NDRG4: variants seen among roughly 807,000 people sequenced by gnomAD.
The protein encoded by NDRG4 is protein NDRG4.
Under a neutral mutation model 55.8 loss-of-function variants are expected in NDRG4, and 38 were observed. That is an observed-to-expected ratio of 0.68 (90% confidence interval 0.53 to 0.89). The LOEUF (loss-of-function observed/expected upper bound fraction) is 0.89. NDRG4 is among the 40% of genes least tolerant of loss of function. The pLI is 0.00. For missense variants in NDRG4, 455 were observed against 468.6 expected (o/e 0.97, Z 0.27); for synonymous variants, 190 against 182.7 (o/e 1.04, Z -0.32).
chr16:58,489,800 A>C (rs1307381869), intron 2 of NDRG4, among the ~76,000 whole-genome samples: 1 of 147,344 alleles, frequency 6.8e-6, no homozygotes, highest in African/African-American at 2.5e-5. Context: ...CCTACTCCCC[A>C]CTCCTGCCTG....
chr16:58,511,272 G>C, intron 14 of NDRG4, 150 bp from the exon 15 acceptor site: 1 of 891,826 alleles, frequency 1.1e-6, no homozygotes. Flanking sequence ...CCCCCAGCCC[G>C]ACAGCTGTCG....
Position 58,509,309 on chromosome 16 carries a change from G to T in NDRG4, c.822G>T (p.Lys274Asn). The T allele has an allele frequency of 6.2e-7, 1 of 1,614,074 alleles. No individual in the cohort carries two copies. Among genetic ancestry groups the T allele is most frequent in the Non-Finnish European group, 8.5e-7 (1 of 1,180,010 alleles). Residue 274 changes from lysine (K) to asparagine (N), a missense_variant, in exon 13 of 15, where the codon AAG becomes AAT. By Grantham distance (94) the Lys-to-Asn change is moderately conservative (BLOSUM62 0). Coordinates refer to ENST00000570248, the MANE Select transcript of NDRG4 (RefSeq NM_001242835.2). ...TGTCCTGCCCTCCGCAGCCAGGGAA[G>T]CTGACTGAAGCCTTCAAATACTTCC... ...GGLPQVTQPG[K>N]LTEAFKYFLQ...
intron 1 of NDRG4, among the ~76,000 whole-genome samples, chr16:58,476,523 T>TC (rs2033651296): frequency 6.6e-6 from 1 of 151,986 alleles, no homozygotes; most frequent in African/African-American, 2.4e-5. Context: ...AGATGCACCT[T>TC]TTTTTTCATA....
chr16:58,503,957 G>A (rs766835217), intron 2 of NDRG4, 54 bp downstream of exon 2: 42 of 1,593,020 alleles, frequency 2.6e-5, no homozygotes, highest in East Asian at 2.2e-4. Context: ...CAGCCAGAGC[G>A]GTGAGGCCCC....
At chr16:58,484,874 C>A (rs925469989) in intron 1 of NDRG4, among the ~76,000 whole-genome samples, 3 of 149,162 alleles carry the variant, frequency 2.0e-5, no homozygotes, top group African/African-American at 7.5e-5. Flanking sequence ...TAAAAAAAAT[C>A]ATAACTTACT....
At chr16:58,501,919 C>T (rs2037192245) in intron 1 of NDRG4, 1 of 449,538 alleles carries the variant, frequency 2.2e-6, no homozygotes, top group African/African-American at 2.0e-5. Flanking sequence ...CGTCTGACCC[C>T]AGGAGGATAA....
At chr16:58,486,794 C>T (rs1597159809) in intron 1 of NDRG4, among the ~76,000 whole-genome samples, 6 of 151,880 alleles carry the variant, frequency 4.0e-5, no homozygotes, top group Admixed American at 3.9e-4. Context: ...TCAGAAACCC[C>T]TGGGGTTTCC....
chr16:58,514,470 C>T (rs2039056147), downstream of NDRG4, among the ~76,000 whole-genome samples: 1 of 152,110 alleles, frequency 6.6e-6, no homozygotes, highest in African/African-American at 2.4e-5. Context: ...CGCGCGGTGG[C>T]TCACGCCTGT....
chr16:58,494,919 C>G, intron 2 of NDRG4: 4 of 1,600,594 alleles, frequency 2.5e-6, no homozygotes, highest in Non-Finnish European at 3.4e-6. Context: ...CTCCCCAGAC[C>G]AGCCAGGGCC....
At chr16:58,484,423 G>A (rs1341490817) in intron 1 of NDRG4, among the ~76,000 whole-genome samples, 1 of 152,196 alleles carries the variant, frequency 6.6e-6, no homozygotes, top group Non-Finnish European at 1.5e-5. Context: ...ACTTCTCTGA[G>A]GTGGGCAACA....
At chr16:58,498,977 A>G (rs1310321041), upstream of NDRG4, among the ~76,000 whole-genome samples, 1 of 152,096 alleles carries the variant, frequency 6.6e-6, no homozygotes, top group Admixed American at 6.5e-5. Flanking sequence ...ACGATAATAC[A>G]TATAATCTTC....
intron 1 of NDRG4, among the ~76,000 whole-genome samples, chr16:58,482,679 T>TCCTCCCTCCCTCCTTTCCTTCCTCCCTC (rs2034563080): frequency 1.6e-5 from 2 of 126,822 alleles, no homozygotes; most frequent in African/African-American, 7.5e-5. Flanking sequence ...CTCCCTTCCT[T>TCCTCCCTCCCTCCTTTCCTTCCTCCCTC]CCTCCCTCCC....
Position 58,503,826 on chromosome 16 carries a change from T to C in NDRG4, c.50T>C (p.Leu17Pro), listed in dbSNP as rs779283723. The C allele has an allele frequency of 1.2e-6, 2 of 1,613,768 alleles. No homozygotes were observed. The highest frequency in any genetic ancestry group is 2.2e-5 in the South Asian group (2 of 91,060). Residue 17 changes from leucine to proline, a missense_variant, in exon 2 of 15, where the codon CTT becomes CCT. By Grantham distance (98) the Leu-to-Pro change is moderately conservative. Coordinates refer to ENST00000570248, the MANE Select transcript of NDRG4 (RefSeq NM_001242835.2). ...GEHDIETPYG[L>P]LHVVIRGSPK... is the part of the protein sequence containing the mutation. The stretch of plus-strand genomic sequence containing the variant: ...CATGACATCGAGACACCCTACGGCC[T>C]TCTGCATGTAGTGATCCGGGGCTCC...
intron 1 of NDRG4, among the ~76,000 whole-genome samples, chr16:58,478,670 C>G (rs75348320): frequency 7.3e-6 from 1 of 136,690 alleles, no homozygotes; most frequent in African/African-American, 2.7e-5. Flanking sequence ...TGGGAAATGT[C>G]TGTGTTTCTG....
intron 1 of NDRG4, among the ~76,000 whole-genome samples, chr16:58,472,578 G>C (rs2033028039): frequency 1.3e-5 from 2 of 152,142 alleles, no homozygotes; most frequent in Admixed American, 1.3e-4. Flanking sequence ...TAACTTAGAA[G>C]TTACGTTAGG....
chr16:58,511,122 AAC>A (rs1373950462), intron 14 of NDRG4: 1 of 489,498 alleles, frequency 2.0e-6, no homozygotes, highest in East Asian at 3.4e-5. Flanking sequence ...CCTTTACAGA[AAC>A]AGTCCTACTT....
chr16:58,472,390 G>C (rs1468380118), intron 1 of NDRG4: 1 of 152,278 alleles, frequency 6.6e-6, no homozygotes, highest in South Asian at 2.1e-4. Context: ...GTTGGGAAAG[G>C]CCGAATTACC....
chr16:58,507,793 C>T lies in NDRG4; in HGVS notation c.621-15C>T, dbSNP rs1322201023. The T allele has an allele frequency of 6.2e-7, 1 of 1,612,574 alleles. No individual in the cohort carries two copies. The highest frequency in any genetic ancestry group is 1.7e-5 in the Admixed American group (1 of 60,006). ...GGTGCCCACCTCTGCCTCTGCCCCT[C>T]CCCCTGCCCCACAGCCGCAGAGACC... On this transcript the variant is annotated splice_polypyrimidine_tract_variant and intron_variant, in intron 8 of 14. Coordinates refer to ENST00000570248, the MANE Select transcript of NDRG4 (RefSeq NM_001242835.2).
At chr16:58,494,113 G>A (rs911061954) in intron 2 of NDRG4, among the ~76,000 whole-genome samples, 1 of 152,178 alleles carries the variant, frequency 6.6e-6, no homozygotes, top group Non-Finnish European at 1.5e-5. Context: ...TGTGTCTGGG[G>A]AGCCCCTTCC....
Sources: allele counts gnomAD v4.1 joint callset (sites outside exome capture counted in the v4.1 genomes callset), GRCh38; gene constraint gnomAD v4.1.1; transcripts MANE v1.5; gene names NCBI Gene and HGNC (gene_info 2026-07-23, HGNC 2026-07-21).